Variants in ADAMTSL1 observed in about 807,000 individuals in gnomAD.
ADAMTSL1 encodes the protein ADAMTS like 1.
In ADAMTSL1, 126 loss-of-function variants were observed where a neutral mutation model predicts 201.8. The ratio of observed to expected loss-of-function variants is 0.62; its 90% confidence interval spans 0.54 to 0.72. ADAMTSL1 has a LOEUF of 0.72. Among genes scored for constraint, ADAMTSL1 ranks in the 30% least tolerant of loss-of-function variants. The pLI, the probability that ADAMTSL1 is intolerant of heterozygous loss-of-function variation, is 0.00. For synonymous variants in ADAMTSL1, 1,121 were observed against 903.4 expected (o/e 1.24, Z -4.32); for missense variants, 2,679 against 2,277.8 (o/e 1.18, Z -3.59).
At chr9:18,345,858 A>G (rs1479777206) in intron 2 of ADAMTSL1, among the ~76,000 whole-genome samples, 2 of 151,704 alleles carry the variant, frequency 1.3e-5, no homozygotes, top group Non-Finnish European at 2.9e-5. Flanking sequence ...CCAGAAGACC[A>G]TGTGACAGGT....
chr9:18,450,457 A>G (rs1417701188), intron 2 of ADAMTSL1, among the ~76,000 whole-genome samples: 1 of 152,216 alleles, frequency 6.6e-6, no homozygotes, highest in Non-Finnish European at 1.5e-5. Context: ...AAATCAGCAA[A>G]GTCAGTTAGG....
At chr9:18,101,157 G>A (rs1001031592) in intron 1 of ADAMTSL1, among the ~76,000 whole-genome samples, 2 of 152,034 alleles carry the variant, frequency 1.3e-5, no homozygotes, top group Non-Finnish European at 2.9e-5. Flanking sequence ...ATACTTTTAA[G>A]GAAAGTAGAT....
intron 20 of ADAMTSL1, among the ~76,000 whole-genome samples, chr9:18,814,190 T>TGTTGATCTG (rs1823690853): frequency 1.3e-5 from 2 of 152,240 alleles, no homozygotes; most frequent in Non-Finnish European, 2.9e-5. Flanking sequence ...TATATCACAT[T>TGTTGATCTG]TGTTGATCTG....
chr9:18,571,331 T>C (rs776335806), intron 3 of ADAMTSL1, among the ~76,000 whole-genome samples: 48 of 152,194 alleles, frequency 3.2e-4, no homozygotes, highest in Non-Finnish European at 1.2e-4. Context: ...GTTTCACTTG[T>C]ATAGAAAAAG....
intron 23 of ADAMTSL1, among the ~76,000 whole-genome samples, chr9:18,865,282 CAT>C (rs756380368): frequency 5.3e-5 from 8 of 151,394 alleles, no homozygotes; most frequent in South Asian, 2.1e-4. Context: ...TGAGTGAAAA[CAT>C]GTGGTGTTTG....
intron 16 of ADAMTSL1, among the ~76,000 whole-genome samples, chr9:18,767,454 T>G (rs1204654474): frequency 3.3e-5 from 5 of 152,200 alleles, no homozygotes; most frequent in Non-Finnish European, 7.3e-5. Flanking sequence ...AGTTTAGAAC[T>G]GATCTGATTA....
At chr9:18,065,930 G>C (rs1485934476) in intron 1 of ADAMTSL1, among the ~76,000 whole-genome samples, 1 of 135,766 alleles carries the variant, frequency 7.4e-6, no homozygotes, top group Admixed American at 8.3e-5. Flanking sequence ...GCAGTGAGCC[G>C]AGATCGCCCC....
At chr9:18,023,969 C>G (rs970439106) in intron 1 of ADAMTSL1, among the ~76,000 whole-genome samples, 1 of 151,998 alleles carries the variant, frequency 6.6e-6, no homozygotes, top group East Asian at 1.9e-4. Context: ...AATTAAAGTA[C>G]TTTTCTTTTA....
intron 23 of ADAMTSL1, among the ~76,000 whole-genome samples, chr9:18,830,610 G>A (rs1228363336): frequency 6.6e-6 from 1 of 152,102 alleles, no homozygotes; most frequent in Admixed American, 6.5e-5. Context: ...TTGTACGAGG[G>A]CATTCAAGTC....
chr9:18,458,081 A>G (rs1353893288), intron 2 of ADAMTSL1, among the ~76,000 whole-genome samples: 3 of 152,332 alleles, frequency 2.0e-5, no homozygotes, highest in Non-Finnish European at 4.4e-5. Context: ...CTTTCCATTC[A>G]TACCCTACTC....
At chr9:18,898,057 C>T (rs551416175) in intron 26 of ADAMTSL1, among the ~76,000 whole-genome samples, 99 of 150,912 alleles carry the variant, frequency 6.6e-4, no homozygotes, top group African/African-American at 1.9e-3. Context: ...GGCATTGTGG[C>T]GGGCACCTGT....
intron 1 of ADAMTSL1, among the ~76,000 whole-genome samples, chr9:17,928,652 G>A (rs1826652470): frequency 6.6e-6 from 1 of 152,148 alleles, no homozygotes; most frequent in African/African-American, 2.4e-5. Context: ...GCTCACACCT[G>A]TAATCCCAGT....
chr9:18,237,857 C>T (rs540918865), intron 2 of ADAMTSL1, among the ~76,000 whole-genome samples: 2 of 152,202 alleles, frequency 1.3e-5, no homozygotes, highest in Non-Finnish European at 2.9e-5. Context: ...TAAGACAAAA[C>T]AAAATTAAAT....
At chr9:18,349,105 C>T (rs755751635) in intron 2 of ADAMTSL1, among the ~76,000 whole-genome samples, 14 of 152,234 alleles carry the variant, frequency 9.2e-5, no homozygotes, top group East Asian at 1.9e-4. Context: ...TCAGGAAATC[C>T]GTCCTTGGAG....
intron 2 of ADAMTSL1, among the ~76,000 whole-genome samples, chr9:18,178,621 G>A (rs1418856607): frequency 9.9e-5 from 15 of 151,498 alleles, no homozygotes; most frequent in African/African-American, 3.6e-4. Context: ...AGACTTAAAT[G>A]TCCCTGTCTG....
chr9:18,534,934 C>T (rs946713872), intron 3 of ADAMTSL1, among the ~76,000 whole-genome samples: 1 of 152,204 alleles, frequency 6.6e-6, no homozygotes, highest in Non-Finnish European at 1.5e-5. Flanking sequence ...TTTTTCCCTT[C>T]TAGGCCTCTG....
intron 1 of ADAMTSL1, among the ~76,000 whole-genome samples, chr9:17,983,976 A>G (rs148818251): frequency 4.5e-4 from 69 of 152,288 alleles, no homozygotes; most frequent in African/African-American, 1.6e-3. Flanking sequence ...TAATGAGATT[A>G]ATAAGTTAAA....
chr9:18,681,697 T>TGTGTGTGGGGGGG, intron 11 of ADAMTSL1, 115 bp from the exon 12 acceptor site: 1 of 238,092 alleles, frequency 4.2e-6, no homozygotes, highest in Non-Finnish European at 6.6e-6. Context: ...AGTCCTCGTG[T>TGTGTGTGGGGGGG]GGGGGGGGGG....
chr9:18,339,124 A>G (rs951396664), intron 2 of ADAMTSL1, among the ~76,000 whole-genome samples: 1 of 152,204 alleles, frequency 6.6e-6, no homozygotes, highest in African/African-American at 2.4e-5. Flanking sequence ...TATTTAAACT[A>G]AAGAGCTTCT....
Sources: gnomAD v4.1 joint callset for allele counts (sites outside exome capture counted in the v4.1 genomes callset) on GRCh38, gnomAD v4.1.1 for gene constraint, MANE v1.5 for transcripts, NCBI Gene and HGNC (gene_info 2026-07-23, HGNC 2026-07-21) for gene names.